The following ACTN2 variants were observed in gnomAD, a reference collection of about 807,000 sequenced individuals.
ACTN2 encodes actinin alpha 2, also known as alpha-actinin-2.
Under a neutral mutation model 113.8 loss-of-function variants are expected in ACTN2, and 39 were observed. The observed-to-expected ratio is 0.34, with a 90% CI of 0.27 to 0.45. The LOEUF (loss-of-function observed/expected upper bound fraction) is 0.45, where lower values mean the gene tolerates loss of function less well. ACTN2 is among the 20% of genes least tolerant of loss of function. The pLI is 1.00. For missense variants in ACTN2, 992 were observed against 1,177.9 expected (o/e 0.84, Z 2.31); for synonymous variants, 429 against 444.1 (o/e 0.97, Z 0.43).
intron 12 of ACTN2, among the ~76,000 whole-genome samples, chr1:236,745,263 T>C (rs2102930896): frequency 6.6e-6 from 1 of 151,808 alleles, no homozygotes; most frequent in South Asian, 2.1e-4. Context: ...TGAAACCCCG[T>C]CTCTACTAAA....
At chr1:236,758,954 G>A (rs7534128) in intron 18 of ACTN2, among the ~76,000 whole-genome samples, 28,686 of 152,138 alleles carry the variant, frequency 0.19, 2,993 homozygotes, top group African/African-American at 0.27. Context: ...TAAAAGGGAT[G>A]TACCATTACT....
At chr1:236,689,271 A>T (rs1296150397) in intron 1 of ACTN2, among the ~76,000 whole-genome samples, 2 of 149,370 alleles carry the variant, frequency 1.3e-5, no homozygotes, top group East Asian at 3.9e-4. Context: ...TCAAGGGTAG[A>T]AGAAAAATGC....
intron 4 of ACTN2, 47 bp from the exon 5 acceptor site, chr1:236,725,886 C>T (rs761188135): frequency 3.2e-6 from 5 of 1,560,488 alleles, no homozygotes; most frequent in Non-Finnish European, 4.4e-6. Context: ...GCTAAGTGAA[C>T]TAAGCGGCAT....
chr1:236,762,193 T>C (rs1358351766), intron 20 of ACTN2, among the ~76,000 whole-genome samples: 1 of 152,178 alleles, frequency 6.6e-6, no homozygotes, highest in Non-Finnish European at 1.5e-5. Context: ...TATCCTCGCA[T>C]TGTGGCTCAG....
chr1:236,742,875 C>G (rs1175013234), intron 10 of ACTN2, 21 bp from the exon 11 acceptor site: 1 of 1,614,004 alleles, frequency 6.2e-7, no homozygotes, highest in Non-Finnish European at 8.5e-7. Context: ...ATTTGCTTCC[C>G]TTGGCTTCCA....
In ACTN2 at chr1:236,713,183, C is replaced by T. The variant is rs184748525; in HGVS notation, c.127-4675C>T. ...CAGCCATAAAAACAAAGAATTTATA[C>T]TGATATGGAATGATCTCTAGGTTAT... On this transcript the variant is annotated intron_variant, in intron 1 of 20. Coordinates refer to ENST00000366578, the MANE Select transcript of ACTN2 (RefSeq NM_001103.4). 8.7e-4 allele frequency among the ~76,000 whole-genome samples: 132 copies of T among 151,648 alleles called. 1 individual carries two copies. In the East Asian group the frequency reaches 0.017, roughly 19 times the overall value.
chr1:236,696,895 C>T (rs1167465098), intron 1 of ACTN2, among the ~76,000 whole-genome samples: 2 of 152,114 alleles, frequency 1.3e-5, no homozygotes, highest in Non-Finnish European at 2.9e-5. Context: ...CGATCTCGAC[C>T]TCGTGATCCG....
At chr1:236,696,790 T>C (rs1657516128) in intron 1 of ACTN2, among the ~76,000 whole-genome samples, 2 of 151,988 alleles carry the variant, frequency 1.3e-5, no homozygotes, top group East Asian at 3.9e-4. Flanking sequence ...CTCAGCCTCC[T>C]GAGTAGCTGA....
At chr1:236,719,454 C>T (rs183434322) in intron 3 of ACTN2, among the ~76,000 whole-genome samples, 67 of 152,272 alleles carry the variant, frequency 4.4e-4, no homozygotes, top group African/African-American at 1.5e-3. Context: ...TAAGAAGGGT[C>T]AGGGTAAAGA....
chr1:236,762,747 G>T lies in ACTN2; in HGVS notation c.*128G>T, dbSNP rs142016713. 1.7e-6 allele frequency: 2 copies of T among 1,209,214 alleles called. No individual in the cohort carries two copies. The highest frequency in any genetic ancestry group is 4.0e-5 in the Admixed American group (2 of 50,370). The allele number at this position is 1,209,214 out of a possible 1,614,324, so 74.9% of individuals were successfully genotyped here. A position where few individuals can be genotyped will look rare whatever the true frequency, so the allele number is the denominator to read the frequency against. On this transcript the variant is annotated 3_prime_UTR_variant, in exon 21 of 21. Coordinates refer to ENST00000366578, the MANE Select transcript of ACTN2 (RefSeq NM_001103.4). ...GAGAGGGGAAAAAAAAAAGCCTTTC[G>T]TAGTTCAGTAATTGCCAGCAATATA...
intron 8 of ACTN2, chr1:236,736,723 TG>T (rs1465305137): frequency 1.8e-6 from 2 of 1,098,406 alleles, no homozygotes; most frequent in African/African-American, 3.1e-5. Flanking sequence ...CAAAGGCTAA[TG>T]TTATTCAGGG....
In ACTN2 at chr1:236,698,943, G is replaced by A. The variant is rs578160993; in HGVS notation, c.126+12144G>A. Among the ~76,000 whole-genome samples the A allele has an allele frequency of 3.3e-5, 5 of 152,290 alleles. No individual in the cohort carries two copies. The South Asian group carries it at 1.0e-3, about 32-fold the overall frequency. ...CAAGTTAAGTGAGTTGCCCAGCAGT[G>A]GTTGAGGGTGGGGAAGTGGTAGCCG... On this transcript the variant is annotated intron_variant, in intron 1 of 20. Transcript: ENST00000366578.
chr1:236,762,718 G>C lies in ACTN2; in HGVS notation c.*99G>C. The C allele has an allele frequency of 5.6e-6, 8 of 1,432,976 alleles. No individual in the cohort carries two copies. Among genetic ancestry groups the C allele is most frequent in the Non-Finnish European group, 7.6e-6 (8 of 1,047,242 alleles). The allele number at this position is 1,432,976 out of a possible 1,614,324, so 88.8% of individuals were successfully genotyped here. ...TTTGACAAGCTTTATTAAGTTGAGAGAGAGAGAGGGGAAAAAAAAAAGCCT... is the reference window on the plus strand; with the variant it reads ...TTTGACAAGCTTTATTAAGTTGAGACAGAGAGAGGGGAAAAAAAAAAGCCT... On this transcript the variant is annotated 3_prime_UTR_variant, in exon 21 of 21. Coordinates refer to ENST00000366578, the MANE Select transcript of ACTN2 (RefSeq NM_001103.4).
chr1:236,726,998 C>T (rs1359621273), intron 5 of ACTN2, among the ~76,000 whole-genome samples: 3 of 152,180 alleles, frequency 2.0e-5, no homozygotes, highest in African/African-American at 7.2e-5. Context: ...TCCCCAGACC[C>T]TTTGAGGAAC....
chr1:236,717,937 G>A lies in ACTN2; in HGVS notation c.206G>A (p.Gly69Asp). The change falls in exon 2 of 21, where the codon GGC (glycine) becomes GAC (aspartate). Residue 69 changes from glycine (G) to aspartate (D), a missense_variant. Physicochemically the swap from Gly to Asp is moderately conservative, Grantham distance 94 (BLOSUM62 -1). Around this residue, in one of 3 missense-constraint regions of ACTN2, gnomAD observed 220 missense variants for 337.5 expected, o/e 0.65. Coordinates refer to ENST00000366578, the MANE Select transcript of ACTN2 (RefSeq NM_001103.4). ...IENIEEDFRNGLKLMLLLEVI... is the reference protein window; with the variant it reads ...IENIEEDFRNDLKLMLLLEVI... ...AACATCGAGGAAGACTTCAGGAATGGCCTTAAGCTCATGCTGCTTTTGGAA... is the reference window on the plus strand; with the variant it reads ...AACATCGAGGAAGACTTCAGGAATGACCTTAAGCTCATGCTGCTTTTGGAA... 6.2e-7 allele frequency: 1 copy of A among 1,614,082 alleles called. No individual in the cohort carries two copies. The highest frequency in any genetic ancestry group is 8.5e-7 in the Non-Finnish European group (1 of 1,179,994).
intron 1 of ACTN2, among the ~76,000 whole-genome samples, chr1:236,700,455 G>A (rs573534956): frequency 6.6e-6 from 1 of 152,294 alleles, no homozygotes; most frequent in South Asian, 2.1e-4. Flanking sequence ...GTATATGTGG[G>A]TGGCTTACCA....
intron 1 of ACTN2, among the ~76,000 whole-genome samples, chr1:236,715,222 A>G (rs1430341608): frequency 6.7e-6 from 1 of 150,040 alleles, no homozygotes; most frequent in Non-Finnish European, 1.5e-5. Context: ...TTTGTTACAT[A>G]TGTATACATG....
At chr1:236,755,305 T>A in intron 17 of ACTN2, 107 bp downstream of exon 17, 1 of 1,323,652 alleles carries the variant, frequency 7.6e-7, no homozygotes, top group Non-Finnish European at 1.1e-6. Context: ...TGTTAAGACC[T>A]ACAAGTATGA....
chr1:236,691,967 A>G (rs1666100385), intron 1 of ACTN2, among the ~76,000 whole-genome samples: 1 of 152,258 alleles, frequency 6.6e-6, no homozygotes, highest in African/African-American at 2.4e-5. Flanking sequence ...TGGGATGCTA[A>G]GGTGAGTGCA....
Sources: allele counts gnomAD v4.1 joint callset (sites outside exome capture counted in the v4.1 genomes callset), GRCh38; gene constraint gnomAD v4.1.1; regional missense constraint gnomAD v4.1.1; transcripts MANE v1.5; gene names NCBI Gene and HGNC (gene_info 2026-07-23, HGNC 2026-07-21).